Variants in IGF1R observed in about 807,000 individuals in gnomAD.
IGF1R encodes the protein insulin-like growth factor 1 receptor.
IGF1R carries 44 observed loss-of-function variants against 144.6 expected under a neutral mutation model. The observed-to-expected ratio is 0.30, with a 90% CI of 0.24 to 0.39. The LOEUF (loss-of-function observed/expected upper bound fraction) is 0.39, where lower values mean the gene tolerates loss of function less well. IGF1R is among the 10% of genes least tolerant of loss of function. IGF1R has a pLI of 1.00. For synonymous variants in IGF1R, 795 were observed against 722.8 expected (o/e 1.10, Z -1.60); for missense variants, 1,355 against 1,833.7 (o/e 0.74, Z 4.77).
At chr15:98,669,293 C>T (rs1429658242) in intron 1 of IGF1R, among the ~76,000 whole-genome samples, 1 of 152,204 alleles carries the variant, frequency 6.6e-6, no homozygotes, top group East Asian at 1.9e-4. Context: ...TGCCTGAAGA[C>T]AGTGTGCTTA....
At chr15:98,803,809 G>C (rs917117473) in intron 2 of IGF1R, among the ~76,000 whole-genome samples, 32 of 152,232 alleles carry the variant, frequency 2.1e-4, no homozygotes, top group Admixed American at 2.0e-3. Context: ...CCTGGCCACA[G>C]TTAACTTTTT....
Position 98,704,172 on chromosome 15 carries a change from A to C in IGF1R, c.95-3390A>C, listed in dbSNP as rs2053804916. Among the ~76,000 whole-genome samples the C allele has an allele frequency of 6.6e-6, 1 of 152,224 alleles. No homozygotes were observed. Among genetic ancestry groups the C allele is most frequent in the Admixed American group, 6.5e-5 (1 of 15,276 alleles). ...GGTAATAAAATGGTTCGTTGTATACAAACTTTGTTTCATGCACAAGATTAT... is the reference window on the plus strand; with the variant it reads ...GGTAATAAAATGGTTCGTTGTATACCAACTTTGTTTCATGCACAAGATTAT... On this transcript the variant is annotated intron_variant, in intron 1 of 20. Coordinates refer to ENST00000650285, the MANE Select transcript of IGF1R (RefSeq NM_000875.5). The surrounding 1 kb of genome is among the most constrained non-coding windows in gnomAD (Gnocchi z 4.9).
intron 2 of IGF1R, among the ~76,000 whole-genome samples, chr15:98,747,630 G>T (rs2054902555): frequency 1.3e-5 from 2 of 152,150 alleles, no homozygotes; most frequent in South Asian, 4.1e-4. Flanking sequence ...ACTGTGTCGG[G>T]TGGTCCTGAA....
chr15:98,762,573 C>G (rs542412536), intron 2 of IGF1R, among the ~76,000 whole-genome samples: 1 of 151,994 alleles, frequency 6.6e-6, no homozygotes, highest in Non-Finnish European at 1.5e-5. Flanking sequence ...ACTGAAAATA[C>G]AAAAGTTAGC....
chr15:98,929,306 T>C (rs1425576573), intron 13 of IGF1R, among the ~76,000 whole-genome samples: 1 of 152,196 alleles, frequency 6.6e-6, no homozygotes, highest in East Asian at 1.9e-4. Context: ...TTGAAACTAT[T>C]GCACCAGAAT....
chr15:98,901,057 T>C (rs2014458084), intron 5 of IGF1R, among the ~76,000 whole-genome samples: 1 of 152,236 alleles, frequency 6.6e-6, no homozygotes, highest in Admixed American at 6.5e-5. Flanking sequence ...CACTTAAATG[T>C]AGTTAGAAAT....
At chr15:98,956,182 G>A (rs930941665) in intron 20 of IGF1R, among the ~76,000 whole-genome samples, 16 of 152,368 alleles carry the variant, frequency 1.1e-4, no homozygotes, top group Admixed American at 5.9e-4. Context: ...GGCCACAGCC[G>A]GCAGGACTCC....
intron 2 of IGF1R, among the ~76,000 whole-genome samples, chr15:98,868,732 C>T (rs115402012): frequency 1.0e-3 from 154 of 152,286 alleles, no homozygotes; most frequent in African/African-American, 3.5e-3. Flanking sequence ...CAGGCCCTCC[C>T]TCTTTGGCTT....
intron 19 of IGF1R, among the ~76,000 whole-genome samples, chr15:98,946,978 T>G (rs1158549956): frequency 6.6e-6 from 1 of 152,264 alleles, no homozygotes; most frequent in African/African-American, 2.4e-5. Flanking sequence ...TAGTCATTTC[T>G]TGTACCAAGC....
intron 2 of IGF1R, among the ~76,000 whole-genome samples, chr15:98,871,088 A>G (rs2012759109): frequency 6.6e-6 from 1 of 152,212 alleles, no homozygotes; most frequent in Non-Finnish European, 1.5e-5. Context: ...CAGCCTGCGT[A>G]TGTTCTTGCT....
intron 2 of IGF1R, among the ~76,000 whole-genome samples, chr15:98,887,319 GT>G (rs58958023): frequency 0.29 from 43,900 of 149,070 alleles, 6,904 homozygotes; most frequent in East Asian, 0.56. Flanking sequence ...TACTTTGTCA[GT>G]TTTTTTTTTT....
chr15:98,695,342 A>G (rs1242550693), intron 1 of IGF1R, among the ~76,000 whole-genome samples: 1 of 152,174 alleles, frequency 6.6e-6, no homozygotes, highest in Non-Finnish European at 1.5e-5. Context: ...GAGGCTTTAA[A>G]GAGGTGCCCA....
Position 98,649,525 on chromosome 15 carries a change from CTTTTTTTTT to C in IGF1R, c.-41_-33del, listed in dbSNP as rs544674838. On this transcript the variant is annotated 5_prime_UTR_variant, in exon 1 of 21. Coordinates refer to ENST00000650285, the MANE Select transcript of IGF1R (RefSeq NM_000875.5). ...TCATTTCCTTTTTTTCTTTTCTTTTCTTTTTTTTTTTTTTTTTTTTTTTTGAGAAAGGGG... is the reference window on the plus strand; with the variant it reads ...TCATTTCCTTTTTTTCTTTTCTTTTCTTTTTTTTTTTTTTTGAGAAAGGGG... 0.36 allele frequency: 257,703 copies of C among 715,492 alleles called. 17,858 individuals are homozygous for C. The highest frequency in any genetic ancestry group is 0.39 in the Non-Finnish European group (177,369 of 451,902). 44.3% of individuals were successfully genotyped at this position (715,492 alleles called of 1,614,324 possible).
At chr15:98,781,275 T>G (rs2071893566) in intron 2 of IGF1R, among the ~76,000 whole-genome samples, 1 of 152,196 alleles carries the variant, frequency 6.6e-6, no homozygotes, top group African/African-American at 2.4e-5. Context: ...ATAAAATGAT[T>G]GTAGAGTTTG....
chr15:98,939,175 T>C (rs374462096), intron 17 of IGF1R, 26 bp from the exon 18 acceptor site: 12 of 1,606,216 alleles, frequency 7.5e-6, no homozygotes, highest in South Asian at 1.1e-5. Flanking sequence ...AAAATTCTCA[T>C]GTGAATTTTT....
intron 2 of IGF1R, among the ~76,000 whole-genome samples, chr15:98,865,487 C>CG (rs1288782730): frequency 6.6e-6 from 1 of 152,148 alleles, no homozygotes; most frequent in Non-Finnish European, 1.5e-5. Flanking sequence ...CGTGACTGCG[C>CG]CCCGGCCACG....
intron 1 of IGF1R, among the ~76,000 whole-genome samples, chr15:98,667,694 A>C (rs966614315): frequency 1.3e-5 from 2 of 152,050 alleles, no homozygotes; most frequent in Admixed American, 1.3e-4. Flanking sequence ...CTTCCAGAGG[A>C]GCTTTCTCTG....
chr15:98,792,710 C>T (rs1359039757), intron 2 of IGF1R, among the ~76,000 whole-genome samples: 1 of 152,170 alleles, frequency 6.6e-6, no homozygotes, highest in Non-Finnish European at 1.5e-5. Context: ...CCAAACTTCT[C>T]TTACTTATTG....
At chr15:98,827,673 TC>T (rs1276503759) in intron 2 of IGF1R, among the ~76,000 whole-genome samples, 13 of 152,124 alleles carry the variant, frequency 8.5e-5, no homozygotes, top group Admixed American at 7.9e-4. Flanking sequence ...ACCTCTGCCT[TC>T]CGGGTTCAAG....
Sources: allele counts gnomAD v4.1 joint callset (sites outside exome capture counted in the v4.1 genomes callset), GRCh38; gene constraint gnomAD v4.1.1; non-coding constraint Gnocchi (gnomAD v3.1); transcripts MANE v1.5; gene names NCBI Gene and HGNC (gene_info 2026-07-23, HGNC 2026-07-21).